Variants in ZNF385D observed in about 807,000 individuals in gnomAD.
The protein encoded by ZNF385D is zinc finger protein 385D.
Under a neutral mutation model 35.8 loss-of-function variants are expected in ZNF385D, and 15 were observed. The ratio of observed to expected loss-of-function variants is 0.42; its 90% CI spans 0.28 to 0.64. ZNF385D has a LOEUF of 0.64. Ranked by LOEUF, ZNF385D falls within the 30% of genes least tolerant of loss-of-function variation. The pLI is 0.23. For synonymous variants in ZNF385D, 212 were observed against 186.8 expected, an observed-to-expected ratio of 1.13 and a Z score of -1.10; for missense variants, 474 against 494.6, an observed-to-expected ratio of 0.96 and a Z score of 0.39.
chr3:21,970,801 A>C (rs948818340), intron 3 of ZNF385D, among the ~76,000 whole-genome samples: 3 of 152,118 alleles, frequency 2.0e-5, no homozygotes, highest in African/African-American at 7.2e-5. Flanking sequence ...TAAAGAAAGG[A>C]TCCCACAAGG....
intron 3 of ZNF385D, among the ~76,000 whole-genome samples, chr3:22,067,530 C>T (rs903632923): frequency 8.5e-5 from 13 of 152,180 alleles, no homozygotes; most frequent in South Asian, 2.1e-4. Flanking sequence ...TATGACAAAA[C>T]AGAAGTGTAT....
chr3:21,661,636 C>G (rs914236394), intron 2 of ZNF385D, among the ~76,000 whole-genome samples: 1 of 152,132 alleles, frequency 6.6e-6, no homozygotes, highest in Non-Finnish European at 1.5e-5. Flanking sequence ...CTGGGAAATA[C>G]GTGAGGAATT....
chr3:21,688,622 C>T (rs1364460994), intron 1 of ZNF385D, among the ~76,000 whole-genome samples: 2 of 152,144 alleles, frequency 1.3e-5, no homozygotes, highest in Non-Finnish European at 2.9e-5. Flanking sequence ...TCCCATAGTG[C>T]ATGGATATCC....
chr3:21,564,435 T>C (rs538226105), intron 3 of ZNF385D, 139 bp downstream of exon 3: 2 of 470,636 alleles, frequency 4.2e-6, no homozygotes, highest in South Asian at 5.6e-5. Flanking sequence ...TTAAAGCACA[T>C]AGTGAGTTAA....
chr3:21,705,445 G>A (rs2067860999), intron 1 of ZNF385D, among the ~76,000 whole-genome samples: 2 of 152,162 alleles, frequency 1.3e-5, no homozygotes, highest in South Asian at 4.1e-4. Flanking sequence ...CTGCAAATTA[G>A]AAACAACTAA....
chr3:22,248,913 A>G (rs1027925874), intron 2 of ZNF385D, among the ~76,000 whole-genome samples: 2 of 152,254 alleles, frequency 1.3e-5, no homozygotes, highest in African/African-American at 2.4e-5. Flanking sequence ...CTCCCTTCTC[A>G]TGACCTTCTC....
At chr3:21,781,692 G>C (rs1033740475) in intron 3 of ZNF385D, among the ~76,000 whole-genome samples, 1 of 151,822 alleles carries the variant, frequency 6.6e-6, no homozygotes, top group Non-Finnish European at 1.5e-5. Flanking sequence ...AAACAAACAC[G>C]TAAGTCTTGT....
chr3:21,966,199 T>C (rs1465623191), intron 3 of ZNF385D, among the ~76,000 whole-genome samples: 2 of 152,190 alleles, frequency 1.3e-5, no homozygotes, highest in South Asian at 2.1e-4. Flanking sequence ...ATTTATAGTA[T>C]AGGACTTTAG....
intron 3 of ZNF385D, among the ~76,000 whole-genome samples, chr3:21,915,015 T>C (rs901247837): frequency 2.0e-5 from 3 of 150,846 alleles, no homozygotes; most frequent in African/African-American, 7.3e-5. Flanking sequence ...TCACCAAAAA[T>C]ATATTCAATA....
chr3:22,371,776 C>CAGAT (rs1251072681), intron 2 of ZNF385D, among the ~76,000 whole-genome samples: 1 of 152,192 alleles, frequency 6.6e-6, no homozygotes, highest in African/African-American at 2.4e-5. Flanking sequence ...AGAAGACAAT[C>CAGAT]AGATTCAGGA....
chr3:22,296,035 G>T (rs974011107), intron 2 of ZNF385D, among the ~76,000 whole-genome samples: 6 of 152,086 alleles, frequency 3.9e-5, no homozygotes, highest in Non-Finnish European at 8.8e-5. Flanking sequence ...GCATGGCCCA[G>T]GGAAAAAGTA....
At chr3:21,451,496 A>C (rs892022659) in intron 4 of ZNF385D, among the ~76,000 whole-genome samples, 16 of 152,066 alleles carry the variant, frequency 1.1e-4, no homozygotes, top group African/African-American at 3.9e-4. Context: ...AATTTCCTTC[A>C]TATAGAGTGG....
intron 3 of ZNF385D, among the ~76,000 whole-genome samples, chr3:22,016,886 T>C (rs893415369): frequency 6.6e-6 from 1 of 151,814 alleles, no homozygotes; most frequent in Admixed American, 6.6e-5. Context: ...TAAAAGTTTA[T>C]TGAATTTATC....
intron 3 of ZNF385D, among the ~76,000 whole-genome samples, chr3:21,844,928 G>A (rs1695904823): frequency 6.6e-6 from 1 of 151,686 alleles, no homozygotes; most frequent in Non-Finnish European, 1.5e-5. Flanking sequence ...ATAGATGTAG[G>A]TTTCACTTAC....
chr3:21,768,770 C>A (rs1041741134), intron 3 of ZNF385D, among the ~76,000 whole-genome samples: 2 of 151,938 alleles, frequency 1.3e-5, no homozygotes, highest in African/African-American at 4.8e-5. Flanking sequence ...ACGAACCCAC[C>A]GTCCCCCATT....
intron 3 of ZNF385D, among the ~76,000 whole-genome samples, chr3:21,912,140 A>G (rs1204544430): frequency 6.6e-6 from 1 of 151,856 alleles, no homozygotes; most frequent in Non-Finnish European, 1.5e-5. Flanking sequence ...CACCAATACA[A>G]AGCTATCGTG....
intron 2 of ZNF385D, among the ~76,000 whole-genome samples, chr3:22,285,429 G>T (rs1395296997): frequency 6.6e-6 from 1 of 152,008 alleles, no homozygotes; most frequent in Admixed American, 6.6e-5. Context: ...GAAAGTTTTG[G>T]GTTTGTGTTT....
intron 1 of ZNF385D, among the ~76,000 whole-genome samples, chr3:21,666,172 C>G (rs185192020): frequency 6.6e-6 from 1 of 152,222 alleles, no homozygotes; most frequent in Non-Finnish European, 1.5e-5. Flanking sequence ...CAACTGCACA[C>G]AGAACATCAT....
intron 3 of ZNF385D, among the ~76,000 whole-genome samples, chr3:21,949,933 C>T (rs1318183599): frequency 3.9e-5 from 6 of 152,140 alleles, no homozygotes; most frequent in Non-Finnish European, 7.3e-5. Context: ...ATATGTGCCA[C>T]ATTTTCTTTA....
Sources: gnomAD v4.1 joint callset for allele counts (sites outside exome capture counted in the v4.1 genomes callset) on GRCh38, gnomAD v4.1.1 for gene constraint, MANE v1.5 for transcripts, NCBI Gene and HGNC (gene_info 2026-07-23, HGNC 2026-07-21) for gene names.